Variants in DNAH5 observed in about 807,000 individuals in gnomAD.
DNAH5 encodes the protein axonemal beta dynein heavy chain 5.
A neutral mutation model predicts 518.2 loss-of-function variants in DNAH5; 372 were observed. The ratio of observed to expected loss-of-function variants is 0.72; its 90% confidence interval spans 0.66 to 0.78. The LOEUF (loss-of-function observed/expected upper bound fraction) is 0.78, where lower values mean the gene tolerates loss of function less well. Ranked by LOEUF, DNAH5 falls within the 30% of genes least tolerant of loss-of-function variation. The probability of loss-of-function intolerance (pLI) is 0.00; values close to 1 mark genes in which losing one functional copy is unlikely to be tolerated. For missense variants in DNAH5, 5,523 were observed against 5,687.0 expected (o/e 0.97, Z 0.93); for synonymous variants, 2,039 against 2,025.9 (o/e 1.01, Z -0.17).
At position 13,845,850 on chromosome 5, in the gene DNAH5, A is replaced by G. The variant is rs1295646938; in HGVS notation, c.5115-857T>C. Among the ~76,000 whole-genome samples, 13 of 40,300 alleles carry G rather than the reference A, an allele frequency of 3.2e-4. No individual in the cohort carries two copies. The East Asian group carries it at 9.1e-3, about 28-fold the overall frequency. 26.4% of individuals were successfully genotyped at this position (40,300 alleles called of 152,430 possible). On this transcript the variant is annotated intron_variant, in intron 31 of 78. Transcript: ENST00000265104. Reference sequence around the variant, plus strand: ...TTTTGACCTTTTTTTTTTTTTTTTTAGACAGAGTCTCAGTCTATCACCAGG... The same window carrying G: ...TTTTGACCTTTTTTTTTTTTTTTTTGGACAGAGTCTCAGTCTATCACCAGG...
At chr5:13,964,719 G>A (rs1249147357) in intron 1 of DNAH5, among the ~76,000 whole-genome samples, 1 of 152,250 alleles carries the variant, frequency 6.6e-6, no homozygotes, top group Non-Finnish European at 1.5e-5. Flanking sequence ...GAACCTGGTG[G>A]CTGAGCAGAA....
At chr5:13,814,254 T>C (rs752244136) in intron 43 of DNAH5, among the ~76,000 whole-genome samples, 3 of 152,234 alleles carry the variant, frequency 2.0e-5, no homozygotes, top group Non-Finnish European at 2.9e-5. Context: ...AAACTTTATG[T>C]GAATGTGTAC....
intron 24 of DNAH5, among the ~76,000 whole-genome samples, chr5:13,869,364 A>G (rs1174931972): frequency 1.3e-5 from 2 of 152,164 alleles, no homozygotes. Flanking sequence ...TCATTTAAAA[A>G]TAACAAATAT....
At chr5:13,692,857 G>A (rs1276135853) in intron 78 of DNAH5, among the ~76,000 whole-genome samples, 1 of 152,252 alleles carries the variant, frequency 6.6e-6, no homozygotes. Flanking sequence ...TCCAGCCTTG[G>A]AAACCCCATA....
At chr5:13,777,058 A>G in intron 54 of DNAH5, 144 bp downstream of exon 54, 1 of 801,728 alleles carries the variant, frequency 1.2e-6, no homozygotes. Context: ...AAAACCCAAT[A>G]GAAAAACCCA....
intron 55 of DNAH5, among the ~76,000 whole-genome samples, chr5:13,775,135 T>C (rs947367081): frequency 2.0e-5 from 3 of 149,890 alleles, no homozygotes; most frequent in South Asian, 2.1e-4. Flanking sequence ...TCCTTTTTGT[T>C]TTTTTTTTTT....
rs547828965 is a variant in DNAH5 at position 13,814,746 on chromosome 5, A to G, written c.7089T>C (p.Asn2363=). The change falls in exon 43 of 79, where the codon AAT becomes AAC. Residue 2363 remains asparagine (N), a synonymous_variant. Transcript: ENST00000265104. ...LDDNKTLTLA[N]GDRIPMAPNC... ...TTGGAGCCATGGGAATCCGATCACCATTGGCAAGGGTTAGAGTTTTGTTAT... is the reference window on the plus strand; with the variant it reads ...TTGGAGCCATGGGAATCCGATCACCGTTGGCAAGGGTTAGAGTTTTGTTAT... 5 of 1,614,122 alleles carry G rather than the reference A, an allele frequency of 3.1e-6. No homozygotes were observed. In the African/African-American group the frequency reaches 6.7e-5, roughly 22 times the overall value.
chr5:13,899,896 TC>T (rs1209364010), intron 15 of DNAH5: 6 of 349,162 alleles, frequency 1.7e-5, no homozygotes, highest in Non-Finnish European at 3.2e-5. Context: ...CCTCTTAACA[TC>T]CATTTTCCAC....
At chr5:13,757,703 TA>T (rs556645709) in intron 61 of DNAH5, among the ~76,000 whole-genome samples, 2 of 151,990 alleles carry the variant, frequency 1.3e-5, no homozygotes, top group Admixed American at 6.6e-5. Flanking sequence ...ATTCACAATT[TA>T]AAAAAAATCT....
intron 35 of DNAH5, among the ~76,000 whole-genome samples, chr5:13,833,944 T>C (rs1458705190): frequency 6.6e-6 from 1 of 152,234 alleles, no homozygotes; most frequent in Non-Finnish European, 1.5e-5. Context: ...CTGCCCCAGC[T>C]GTTAAATTCA....
intron 36 of DNAH5, 62 bp from the exon 37 acceptor site, chr5:13,830,275 G>T: frequency 6.9e-7 from 1 of 1,456,136 alleles, no homozygotes; most frequent in African/African-American, 1.4e-5. Flanking sequence ...CCAAGAAAAA[G>T]GATATTATGT....
Position 13,769,544 on chromosome 5 carries a change from G to T in DNAH5, c.9677C>A (p.Ala3226Glu), listed in dbSNP as rs192262838. The T allele has an allele frequency of 1.4e-5, 22 of 1,613,764 alleles. No homozygotes were observed. Among genetic ancestry groups the T allele is most frequent in the Non-Finnish European group, 1.9e-5 (22 of 1,179,934 alleles). The stretch of plus-strand genomic sequence containing the variant: ...GGCCACTTGTAGCTCCTTTTCTTTC[G>T]CTTCCAGTTCTTTACTCAAGGCTGC... The part of the protein sequence containing the change: ...SVAALSKELE[A>E]KEKELQVAND... Residue 3226 changes from alanine to glutamate, a missense_variant, in exon 57 of 79, where the codon GCG (alanine) becomes GAG (glutamate). This residue lies in a region of DNAH5 where 5,121 missense variants were observed against 5,223.3 expected (regional missense o/e 0.98). Coordinates refer to ENST00000265104, the MANE Select transcript of DNAH5 (RefSeq NM_001369.3).
chr5:13,965,199 G>T (rs747253033), intron 1 of DNAH5, among the ~76,000 whole-genome samples: 1 of 151,968 alleles, frequency 6.6e-6, no homozygotes, highest in Non-Finnish European at 1.5e-5. Context: ...TATTGAGAGG[G>T]CATTAATAAT....
Position 13,861,728 on chromosome 5 carries a change from G to A in DNAH5, c.4796+820C>T, listed in dbSNP as rs1039868274. Among the ~76,000 whole-genome samples, 7 of 152,092 alleles carry A rather than the reference G, an allele frequency of 4.6e-5. No individual in the cohort carries two copies. In the East Asian group the frequency reaches 7.7e-4, roughly 17 times the overall value. ...TGCCAGCATTTTGGGAGGCCAAGGC[G>A]GGCAGATCACCTGAGACCAGGAGTT... On this transcript the variant is annotated intron_variant, in intron 29 of 78. Transcript: ENST00000265104.
intron 1 of DNAH5, among the ~76,000 whole-genome samples, chr5:13,934,406 G>C (rs903833966): frequency 6.6e-6 from 1 of 152,158 alleles, no homozygotes; most frequent in African/African-American, 2.4e-5. Flanking sequence ...TCTGCTTTAG[G>C]CCCTTAAGTT....
intron 3 of DNAH5, among the ~76,000 whole-genome samples, chr5:13,924,020 T>C (rs1777595930): frequency 6.6e-6 from 1 of 151,960 alleles, no homozygotes; most frequent in Admixed American, 6.6e-5. Context: ...CACTTCAGCC[T>C]GGGCAACAGA....
intron 1 of DNAH5, among the ~76,000 whole-genome samples, chr5:13,937,815 A>G (rs1779084156): frequency 6.6e-6 from 1 of 152,142 alleles, no homozygotes; most frequent in Admixed American, 6.6e-5. Context: ...GTTTGACTTG[A>G]GCATTTTGTT....
intron 1 of DNAH5, among the ~76,000 whole-genome samples, chr5:13,998,551 A>C (rs1488078041): frequency 1.3e-5 from 2 of 152,260 alleles, no homozygotes; most frequent in African/African-American, 4.8e-5. Flanking sequence ...GCTCCAGTGT[A>C]AACCCAACTC....
chr5:13,885,920 A>G (rs771983556), intron 18 of DNAH5, 44 bp downstream of exon 18: 1 of 1,573,578 alleles, frequency 6.4e-7, no homozygotes, highest in East Asian at 2.2e-5. Context: ...GTTTTTAGTA[A>G]ATGTCATAGA....
Sources: allele counts gnomAD v4.1 joint callset (sites outside exome capture counted in the v4.1 genomes callset), GRCh38; gene constraint gnomAD v4.1.1; regional missense constraint gnomAD v4.1.1; transcripts MANE v1.5; gene names NCBI Gene and HGNC (gene_info 2026-07-23, HGNC 2026-07-21).